The following POLN variants were observed in gnomAD, a reference collection of about 807,000 sequenced individuals.
The protein encoded by POLN is DNA polymerase nu, also known as DNA polymerase N.
In POLN, 108 loss-of-function variants were observed where a neutral mutation model predicts 113.5. The ratio of observed to expected loss-of-function variants is 0.95; its 90% CI spans 0.81 to 1.12. The LOEUF (loss-of-function observed/expected upper bound fraction) is 1.12. Ranked by LOEUF, POLN falls within the 50% of genes most tolerant of loss-of-function variation. POLN has a pLI of 0.00. For synonymous variants in POLN, 386 were observed against 391.5 expected, an observed-to-expected ratio of 0.99 and a Z score of 0.17; for missense variants, 1,097 against 1,077.1, an observed-to-expected ratio of 1.02 and a Z score of -0.26.
chr4:2,160,696 A>G (rs2108742022), intron 13 of POLN, among the ~76,000 whole-genome samples: 1 of 152,324 alleles, frequency 6.6e-6, no homozygotes, highest in Non-Finnish European at 1.5e-5. Context: ...AGCATGAGCC[A>G]CAGTACCTGG....
At chr4:2,080,727 C>T (rs1730388642) in intron 23 of POLN, 1 of 1,417,384 alleles carries the variant, frequency 7.1e-7, no homozygotes, top group Non-Finnish European at 9.2e-7. Flanking sequence ...GGGGAGACAG[C>T]ATTTCTGTCT....
intron 16 of POLN, among the ~76,000 whole-genome samples, chr4:2,138,248 G>A (rs552629649): frequency 1.3e-5 from 2 of 152,352 alleles, no homozygotes; most frequent in South Asian, 4.1e-4. Flanking sequence ...CAGGAAATGG[G>A]GTTGGAGAAG....
chr4:2,200,612 A>G (rs1733687191), intron 5 of POLN, among the ~76,000 whole-genome samples: 1 of 152,188 alleles, frequency 6.6e-6, no homozygotes, highest in Non-Finnish European at 1.5e-5. Flanking sequence ...CAGAAGACAG[A>G]TAACAATCAT....
chr4:2,129,227 G>A lies in POLN; in HGVS notation c.1819C>T (p.Pro607Ser), dbSNP rs375011061. 1.3e-6 allele frequency: 2 copies of A among 1,599,558 alleles called. No homozygotes were observed. Among genetic ancestry groups the A allele is most frequent in the South Asian group, 2.2e-5 (2 of 90,772 alleles). Residue 607 changes from proline (P) to serine (S), a missense_variant, in exon 18 of 26, where the codon CCG (proline) becomes TCG (serine). Coordinates refer to ENST00000511885, the MANE Select transcript of POLN (RefSeq NM_181808.4). ...GKEDKILTIS[P>S]RAMFVSSKGH... ...TTGGATGAAACAAACATGGCCCTCG[G>A]GGAGATCGTGAGAATCTTGTCTTCT...
chr4:2,159,034 T>A, intron 14 of POLN, 121 bp downstream of exon 14: 1 of 780,012 alleles, frequency 1.3e-6, no homozygotes, highest in Middle Eastern at 2.3e-4. Context: ...GACAAAACTC[T>A]ATTCCCCTGA....
chr4:2,226,596 T>C (rs774599685), intron 3 of POLN, among the ~76,000 whole-genome samples: 9 of 151,832 alleles, frequency 5.9e-5, no homozygotes, highest in Non-Finnish European at 8.8e-5. Flanking sequence ...TAAGGATCTA[T>C]ACTTGTTTCA....
At chr4:2,171,375 C>T (rs947519600) in intron 11 of POLN, among the ~76,000 whole-genome samples, 194 bp from the exon 12 acceptor site, 13 of 110,972 alleles carry the variant, frequency 1.2e-4, no homozygotes, top group Non-Finnish European at 2.0e-4. Flanking sequence ...CAACATAGTG[C>T]GACCCCACCA....
chr4:2,107,635 G>T (rs1279035829), intron 19 of POLN, among the ~76,000 whole-genome samples: 1 of 152,168 alleles, frequency 6.6e-6, no homozygotes, highest in African/African-American at 2.4e-5. Context: ...GAAACGCGAA[G>T]AGAGAAAAGG....
intron 16 of POLN, among the ~76,000 whole-genome samples, chr4:2,134,324 G>C (rs549831215): frequency 3.1e-4 from 47 of 152,328 alleles, no homozygotes; most frequent in African/African-American, 1.1e-3. Context: ...ATAAGCATTT[G>C]TGTGCAGGTT....
At chr4:2,173,567 A>G (rs894412422) in intron 11 of POLN, among the ~76,000 whole-genome samples, 1 of 151,758 alleles carries the variant, frequency 6.6e-6, no homozygotes, top group African/African-American at 2.4e-5. Context: ...CTCTCCACCT[A>G]CATGTGTTTT....
chr4:2,092,518 C>G (rs1159481652), intron 20 of POLN, among the ~76,000 whole-genome samples: 1 of 152,206 alleles, frequency 6.6e-6, no homozygotes, highest in Non-Finnish European at 1.5e-5. Flanking sequence ...CTCTGTTACT[C>G]CATGTGTTCC....
chr4:2,121,716 T>C (rs1436350532), intron 19 of POLN, among the ~76,000 whole-genome samples: 1 of 152,086 alleles, frequency 6.6e-6, no homozygotes, highest in East Asian at 1.9e-4. Context: ...ATATTGATGA[T>C]TTACATCATC....
chr4:2,120,783 C>A (rs2108718403), intron 19 of POLN, among the ~76,000 whole-genome samples: 1 of 152,338 alleles, frequency 6.6e-6, no homozygotes, highest in African/African-American at 2.4e-5. Flanking sequence ...GTGTGAGCCA[C>A]TGTGCCTGGC....
rs1560083285 is a variant in POLN at position 2,177,063 on chromosome 4, T to C, written c.1180-729A>G. On this transcript the variant is annotated intron_variant, in intron 8 of 25. Transcript: ENST00000511885. ...CATTGTTTTCTAGTCATCTTGCTTGTGGCTCTCCTGTGAATGTTGGGAGAA... is the reference window on the plus strand; with the variant it reads ...CATTGTTTTCTAGTCATCTTGCTTGCGGCTCTCCTGTGAATGTTGGGAGAA... Among the ~76,000 whole-genome samples, 5 of 152,320 alleles carry C rather than the reference T, an allele frequency of 3.3e-5. 1 individual carries two copies. The South Asian group carries it at 1.0e-3, about 32-fold the overall frequency.
intron 22 of POLN, 172 bp downstream of exon 22, chr4:2,081,461 G>T (rs1730417519): frequency 1.5e-6 from 1 of 672,090 alleles, no homozygotes; most frequent in African/African-American, 1.8e-5. Flanking sequence ...GTCCCCTCAT[G>T]CCTCCTGACA....
intron 5 of POLN, among the ~76,000 whole-genome samples, chr4:2,206,548 C>A (rs1733849771): frequency 6.6e-6 from 1 of 152,008 alleles, no homozygotes; most frequent in Admixed American, 6.6e-5. Flanking sequence ...AACAAATTAG[C>A]AAGAAAAAAG....
chr4:2,135,489 A>G (rs888013794), intron 16 of POLN, among the ~76,000 whole-genome samples: 1 of 152,338 alleles, frequency 6.6e-6, no homozygotes, highest in East Asian at 1.9e-4. Flanking sequence ...GCGCTTCTCT[A>G]TGGGCCTCTG....
At chr4:2,220,087 T>C (rs7677712) in intron 3 of POLN, among the ~76,000 whole-genome samples, 39,163 of 151,830 alleles carry the variant, frequency 0.26, 8,317 homozygotes, top group African/African-American at 0.57. Context: ...CAACATACTG[T>C]CTCCCAGCTA....
chr4:2,078,090 G>GC (rs1199316662), intron 23 of POLN, among the ~76,000 whole-genome samples: 1 of 152,250 alleles, frequency 6.6e-6, no homozygotes, highest in African/African-American at 2.4e-5. Context: ...TGCAAGGGAT[G>GC]CCCCCAGCCC....
Sources: allele counts gnomAD v4.1 joint callset (sites outside exome capture counted in the v4.1 genomes callset), GRCh38; gene constraint gnomAD v4.1.1; transcripts MANE v1.5; gene names NCBI Gene and HGNC (gene_info 2026-07-23, HGNC 2026-07-21).